Variants in FAM135B observed in about 807,000 individuals in gnomAD.
FAM135B encodes family with sequence similarity 135 member B.
Under a neutral mutation model 127.7 loss-of-function variants are expected in FAM135B, and 43 were observed. That is an observed-to-expected ratio of 0.34 (90% CI 0.26 to 0.43). The LOEUF (loss-of-function observed/expected upper bound fraction) is 0.43. Among genes scored for constraint, FAM135B ranks in the 20% least tolerant of loss-of-function variants. The pLI is 1.00. For missense variants in FAM135B, 1,558 were observed against 1,725.6 expected (o/e 0.90, Z 1.72); for synonymous variants, 670 against 665.1 (o/e 1.01, Z -0.11).
intron 1 of FAM135B, among the ~76,000 whole-genome samples, chr8:138,390,578 A>C (rs61083582): frequency 0.3 from 45,690 of 152,034 alleles, 7,391 homozygotes; most frequent in East Asian, 0.51. Context: ...TTGTCCTATC[A>C]CCACTGTATC....
chr8:138,236,265 C>T (rs1820266447), intron 7 of FAM135B, among the ~76,000 whole-genome samples: 1 of 152,074 alleles, frequency 6.6e-6, no homozygotes. Flanking sequence ...GATATATATC[C>T]AACATATTTG....
chr8:138,369,079 C>G (rs1177803519), intron 1 of FAM135B, among the ~76,000 whole-genome samples: 1 of 152,152 alleles, frequency 6.6e-6, no homozygotes, highest in African/African-American at 2.4e-5. Flanking sequence ...AAGATCCTCC[C>G]ATTCTCCAAG....
At chr8:138,418,789 T>C (rs1335289943) in intron 1 of FAM135B, among the ~76,000 whole-genome samples, 1 of 151,994 alleles carries the variant, frequency 6.6e-6, no homozygotes, top group East Asian at 1.9e-4. Flanking sequence ...TATCTTAGTG[T>C]TTGCTGATCT....
intron 1 of FAM135B, among the ~76,000 whole-genome samples, chr8:138,485,943 T>A (rs919613078): frequency 6.6e-6 from 1 of 151,832 alleles, no homozygotes; most frequent in African/African-American, 2.4e-5. Context: ...GCTATCTGAG[T>A]AGAAGGTGGG....
chr8:138,470,954 A>T (rs1024150277), intron 1 of FAM135B, among the ~76,000 whole-genome samples: 3 of 152,220 alleles, frequency 2.0e-5, no homozygotes, highest in Non-Finnish European at 2.9e-5. Context: ...TCTCTTAAAC[A>T]TTCCCTGAAA....
intron 2 of FAM135B, among the ~76,000 whole-genome samples, chr8:138,350,577 G>A (rs1372533661): frequency 6.6e-6 from 1 of 152,090 alleles, no homozygotes; most frequent in Non-Finnish European, 1.5e-5. Flanking sequence ...CCAAGAGAGA[G>A]ATATTGTAGG....
chr8:138,444,975 C>A (rs1238423999), intron 1 of FAM135B, among the ~76,000 whole-genome samples: 1 of 152,092 alleles, frequency 6.6e-6, no homozygotes, highest in Non-Finnish European at 1.5e-5. Flanking sequence ...GGGGATATCA[C>A]CACCGATCCC....
intron 13 of FAM135B, among the ~76,000 whole-genome samples, chr8:138,149,434 A>G (rs1225228406): frequency 6.6e-6 from 1 of 152,098 alleles, no homozygotes; most frequent in Non-Finnish European, 1.5e-5. Flanking sequence ...ATTTCTTATA[A>G]TTCTCTGCAT....
At chr8:138,302,349 C>T (rs568153808) in intron 3 of FAM135B, among the ~76,000 whole-genome samples, 1 of 152,204 alleles carries the variant, frequency 6.6e-6, no homozygotes, top group African/African-American at 2.4e-5. Flanking sequence ...TGGATGCATG[C>T]TTCAGGGGCC....
At chr8:138,133,165 T>C (rs1816341959) in intron 19 of FAM135B, among the ~76,000 whole-genome samples, 1 of 152,148 alleles carries the variant, frequency 6.6e-6, no homozygotes, top group South Asian at 2.1e-4. Flanking sequence ...CAGGGGATCT[T>C]GGGGGTTGGA....
At chr8:138,150,666 C>A (rs988919786) in intron 13 of FAM135B, among the ~76,000 whole-genome samples, 2 of 44,776 alleles carry the variant, frequency 4.5e-5, no homozygotes, top group Admixed American at 2.4e-4. Context: ...GACTCTGTCT[C>A]AATAAATAAA....
At chr8:138,406,907 C>G (rs1209515783) in intron 1 of FAM135B, among the ~76,000 whole-genome samples, 1 of 151,388 alleles carries the variant, frequency 6.6e-6, no homozygotes, top group East Asian at 1.9e-4. Flanking sequence ...AAGTTCTGGC[C>G]AGGGCAATTA....
intron 1 of FAM135B, among the ~76,000 whole-genome samples, chr8:138,397,864 T>A (rs1832933169): frequency 1.3e-5 from 2 of 152,148 alleles, no homozygotes; most frequent in Non-Finnish European, 2.9e-5. Flanking sequence ...AGGGCAGCCC[T>A]GGTGTGCCTG....
At chr8:138,432,795 A>C (rs1300049986) in intron 1 of FAM135B, among the ~76,000 whole-genome samples, 1 of 152,126 alleles carries the variant, frequency 6.6e-6, no homozygotes, top group Non-Finnish European at 1.5e-5. Context: ...CACACAGTAC[A>C]TTCTTGATGA....
intron 7 of FAM135B, among the ~76,000 whole-genome samples, chr8:138,235,553 T>C (rs1221211709): frequency 1.3e-5 from 2 of 152,126 alleles, no homozygotes; most frequent in African/African-American, 4.8e-5. Context: ...AAGGGCAAAG[T>C]GCAAAGAATC....
intron 2 of FAM135B, among the ~76,000 whole-genome samples, chr8:138,335,311 C>T (rs1246668890): frequency 6.6e-6 from 1 of 152,142 alleles, no homozygotes; most frequent in Non-Finnish European, 1.5e-5. Context: ...TCATTCTTCT[C>T]GCCCAGCACC....
chr8:138,252,824 C>T (rs1267622379), intron 5 of FAM135B, among the ~76,000 whole-genome samples: 7 of 152,148 alleles, frequency 4.6e-5, no homozygotes, highest in Non-Finnish European at 1.0e-4. Flanking sequence ...TGGAGTCTCA[C>T]TCTGTCACCC....
At chr8:138,139,728 T>G (rs1816964426) in intron 17 of FAM135B, among the ~76,000 whole-genome samples, 1 of 152,188 alleles carries the variant, frequency 6.6e-6, no homozygotes, top group Admixed American at 6.5e-5. Flanking sequence ...ATTGCACCAT[T>G]GCATTCCAGC....
At chr8:138,462,316 T>C (rs1302366528) in intron 1 of FAM135B, among the ~76,000 whole-genome samples, 2 of 152,174 alleles carry the variant, frequency 1.3e-5, no homozygotes, top group Admixed American at 6.5e-5. Flanking sequence ...ATTTTTGTTT[T>C]CGTAACTGTG....
Sources: allele counts gnomAD v4.1 joint callset (sites outside exome capture counted in the v4.1 genomes callset), GRCh38; gene constraint gnomAD v4.1.1; transcripts MANE v1.5; gene names NCBI Gene and HGNC (gene_info 2026-07-23, HGNC 2026-07-21).